ARID1B: variants seen among roughly 807,000 people sequenced by gnomAD.
ARID1B encodes the protein AT-rich interactive domain-containing protein 1B.
A neutral mutation model predicts 212.3 loss-of-function variants in ARID1B; 30 were observed. The observed-to-expected ratio is 0.14, with a 90% confidence interval of 0.11 to 0.19. The LOEUF is 0.19. Among genes scored for constraint, ARID1B ranks in the 10% least tolerant of loss-of-function variants. ARID1B has a pLI of 1.00. For synonymous variants in ARID1B, 1,402 were observed against 1,301.7 expected (o/e 1.08, Z -1.66); for missense variants, 2,891 against 3,204.0 (o/e 0.90, Z 2.36).
chr6:156,959,221 G>A (rs1429905168), intron 4 of ARID1B, among the ~76,000 whole-genome samples: 1 of 152,146 alleles, frequency 6.6e-6, no homozygotes, highest in East Asian at 1.9e-4. Flanking sequence ...AGTATCCACA[G>A]GGAATTGGTT....
chr6:156,828,944 G>A (rs1022661651), intron 1 of ARID1B, among the ~76,000 whole-genome samples: 3 of 152,176 alleles, frequency 2.0e-5, no homozygotes, highest in Non-Finnish European at 4.4e-5. Context: ...AATTTTAGAT[G>A]CAAATGTTTT....
intron 13 of ARID1B, among the ~76,000 whole-genome samples, chr6:157,187,159 A>T (rs1793032043): frequency 6.6e-6 from 1 of 152,040 alleles, no homozygotes; most frequent in African/African-American, 2.4e-5. Flanking sequence ...GTTGTGGGGG[A>T]GTTCCAATGA....
At chr6:156,922,738 A>T (rs925844500) in intron 3 of ARID1B, among the ~76,000 whole-genome samples, 1 of 152,186 alleles carries the variant, frequency 6.6e-6, no homozygotes, top group Non-Finnish European at 1.5e-5. Context: ...GTCTTTGAGA[A>T]TCTGGTAAAA....
intron 11 of ARID1B, among the ~76,000 whole-genome samples, chr6:157,176,671 C>A (rs139887916): frequency 6.6e-6 from 1 of 152,138 alleles, no homozygotes; most frequent in African/African-American, 2.4e-5. Context: ...CATGGTGAAA[C>A]CTTGTCTCTA....
intron 3 of ARID1B, among the ~76,000 whole-genome samples, chr6:156,920,218 C>T (rs776594841): frequency 8.4e-4 from 128 of 152,242 alleles, no homozygotes; most frequent in Non-Finnish European, 1.3e-3. Flanking sequence ...GCCCATCTGT[C>T]TTCCTCTCTG....
At chr6:157,127,255 A>T (rs983760480) in intron 6 of ARID1B, among the ~76,000 whole-genome samples, 3 of 152,212 alleles carry the variant, frequency 2.0e-5, no homozygotes, top group African/African-American at 7.2e-5. Flanking sequence ...AGGTGAAGTC[A>T]CTGGCTAGAA....
At chr6:156,962,732 C>T (rs1458886978) in intron 4 of ARID1B, among the ~76,000 whole-genome samples, 1 of 152,200 alleles carries the variant, frequency 6.6e-6, no homozygotes, top group African/African-American at 2.4e-5. Flanking sequence ...ATCCGCCCGC[C>T]TTGGCTTTTC....
intron 1 of ARID1B, among the ~76,000 whole-genome samples, chr6:156,779,948 C>T (rs545113915): frequency 1.3e-5 from 2 of 152,302 alleles, no homozygotes; most frequent in South Asian, 2.1e-4. Flanking sequence ...ACACCTTTAG[C>T]CACAGCACGT....
chr6:157,034,966 A>C (rs1781232456), intron 4 of ARID1B, among the ~76,000 whole-genome samples: 1 of 152,166 alleles, frequency 6.6e-6, no homozygotes, highest in Non-Finnish European at 1.5e-5. Context: ...CCTCCTGGAG[A>C]TAGAATCTGG....
chr6:156,890,628 T>TG (rs1355836307), intron 2 of ARID1B, among the ~76,000 whole-genome samples: 1 of 152,190 alleles, frequency 6.6e-6, no homozygotes, highest in Non-Finnish European at 1.5e-5. Context: ...GTGAGAGCCA[T>TG]GGACCCAGCT....
chr6:157,148,839 A>G lies in ARID1B; in HGVS notation c.2977A>G (p.Met993Val). 1.2e-6 allele frequency: 2 copies of G among 1,613,006 alleles called. No homozygotes were observed. The highest frequency in any genetic ancestry group is 2.2e-5 in the East Asian group (1 of 44,880). Residue 993 changes from methionine to valine, a missense_variant, in exon 8 of 20, where the codon ATG (methionine) becomes GTG (valine). Transcript: ENST00000636930. The surrounding 1 kb of genome is among the most constrained non-coding windows in gnomAD (Gnocchi z 5.6). Reference protein sequence around the residue: ...MSSMTPSSPGMSQQGGPGMGP... With the variant: ...MSSMTPSSPGVSQQGGPGMGP... ...CAGCATGACCCCCAGTTCTCCTGGC[A>G]TGTCTCAGCAGGGAGGGCCAGGAAT... is the stretch of plus-strand genomic sequence containing the variant.
chr6:156,815,324 A>G (rs540267242), intron 1 of ARID1B, among the ~76,000 whole-genome samples: 9 of 152,346 alleles, frequency 5.9e-5, no homozygotes, highest in African/African-American at 2.2e-4. Context: ...AAGATAGTAA[A>G]GATCCTTCGT....
rs982077584 is a variant in ARID1B, at chr6:157,206,416, G to A, written c.5644G>A (p.Glu1882Lys). The change falls in exon 20 of 20, where the codon GAA (glutamate) becomes AAA (lysine). Residue 1882 changes from glutamate to lysine, a missense_variant. Glu to Lys is a moderately conservative substitution (Grantham distance 56). Around this residue, in one of 7 missense-constraint regions of ARID1B, gnomAD observed 332 missense variants for 369.2 expected, o/e 0.90. Transcript: ENST00000636930. This position sits in a 1 kb window ranked among gnomAD's most constrained non-coding sequence, Gnocchi z 6.8. ...EEDSEKTESD[E>K]KSSIALTAPD... ...AGACAGCGAGAAGACAGAAAGCGATGAAAAGAGCAGCATCGCTCTGACTGC... is the reference window on the plus strand; with the variant it reads ...AGACAGCGAGAAGACAGAAAGCGATAAAAAGAGCAGCATCGCTCTGACTGC... 4.3e-6 allele frequency: 7 copies of A among 1,614,068 alleles called. No individual in the cohort carries two copies. The African/African-American group carries it at 8.0e-5, about 18-fold the overall frequency.
intron 8 of ARID1B, among the ~76,000 whole-genome samples, chr6:157,163,856 CAGTGTTAG>C (rs1229006362): frequency 1.2e-4 from 18 of 152,244 alleles, no homozygotes; most frequent in Admixed American, 1.1e-3. Context: ...TGAGTGTTAG[CAGTGTTAG>C]AGTCCCATAG....
At position 157,210,188 on chromosome 6, in the gene ARID1B, T is replaced by C. The variant is rs536072263; in HGVS notation, c.*2297T>C. On this transcript the variant is annotated 3_prime_UTR_variant, in exon 20 of 20. Transcript: ENST00000636930. Reference sequence around the variant, plus strand: ...TTACATAACAATGCAACCAAATATATGTTGAATTAAAGACCCATTTATAAT... The same window carrying C: ...TTACATAACAATGCAACCAAATATACGTTGAATTAAAGACCCATTTATAAT... The C allele has an allele frequency of 4.3e-6, 1 of 232,126 alleles. No individual in the cohort carries two copies. Among genetic ancestry groups the C allele is most frequent in the South Asian group, 1.8e-4 (1 of 5,510 alleles). The allele number at this position is 232,126 out of a possible 1,614,324, so 14.4% of individuals were successfully genotyped here. A position where few individuals can be genotyped will look rare whatever the true frequency, so the allele number is the denominator to read the frequency against.
chr6:157,059,356 T>C (rs1783191157), intron 4 of ARID1B, among the ~76,000 whole-genome samples: 1 of 152,212 alleles, frequency 6.6e-6, no homozygotes, highest in African/African-American at 2.4e-5. Context: ...AAGCCCTTGC[T>C]TTTTAGAGAG....
At chr6:157,024,911 T>C (rs372853951) in intron 4 of ARID1B, among the ~76,000 whole-genome samples, 30 of 152,362 alleles carry the variant, frequency 2.0e-4, no homozygotes, top group African/African-American at 7.2e-4. Flanking sequence ...GGTATAGTGA[T>C]GATGTGTTAA....
chr6:156,866,250 G>C (rs1785683719), intron 2 of ARID1B, among the ~76,000 whole-genome samples: 1 of 152,146 alleles, frequency 6.6e-6, no homozygotes, highest in South Asian at 2.1e-4. Flanking sequence ...CCCCTCTTTT[G>C]CTCTTCTACG....
chr6:157,148,820 G>C lies in ARID1B; in HGVS notation c.2958G>C (p.Met986Ile), dbSNP rs146077641. 10 of 1,613,032 alleles carry C rather than the reference G, an allele frequency of 6.2e-6. No homozygotes were observed. Among genetic ancestry groups the C allele is most frequent in the Non-Finnish European group, 8.5e-6 (10 of 1,179,910 alleles). Residue 986 changes from methionine (M) to isoleucine (I), a missense_variant, in exon 8 of 20, where the codon ATG becomes ATC. Around this residue, in one of 7 missense-constraint regions of ARID1B, gnomAD observed 1,643 missense variants for 1,544.0 expected, o/e 1.06. Coordinates refer to ENST00000636930, the MANE Select transcript of ARID1B (RefSeq NM_001374828.1). The surrounding 1 kb of genome is among the most constrained non-coding windows in gnomAD (Gnocchi z 5.6). Reference protein sequence around the residue: ...NRPFPGNMSSMTPSSPGMSQQ... With the variant: ...NRPFPGNMSSITPSSPGMSQQ... The stretch of plus-strand genomic sequence containing the variant: ...CATTTCCTGGAAATATGAGCAGCAT[G>C]ACCCCCAGTTCTCCTGGCATGTCTC...
Sources: allele counts gnomAD v4.1 joint callset (sites outside exome capture counted in the v4.1 genomes callset), GRCh38; gene constraint gnomAD v4.1.1; regional missense constraint gnomAD v4.1.1; non-coding constraint Gnocchi (gnomAD v3.1); transcripts MANE v1.5; gene names NCBI Gene and HGNC (gene_info 2026-07-23, HGNC 2026-07-21).